OSBPL9: variants seen among roughly 807,000 people sequenced by gnomAD.
OSBPL9 encodes the protein oxysterol binding protein like 9.
In OSBPL9, 40 loss-of-function variants were observed where a neutral mutation model predicts 106.6. The ratio of observed to expected loss-of-function variants is 0.38; its 90% CI spans 0.29 to 0.49. OSBPL9 has a LOEUF of 0.49. Among genes scored for constraint, OSBPL9 ranks in the 20% least tolerant of loss-of-function variants. The probability of loss-of-function intolerance (pLI) is 0.97; values close to 1 mark genes in which losing one functional copy is unlikely to be tolerated. For synonymous variants in OSBPL9, 269 were observed against 295.4 expected (o/e 0.91, Z 0.92); for missense variants, 609 against 887.2 (o/e 0.69, Z 3.98).
the OSBPL9 span, among the ~76,000 whole-genome samples, chr1:51,566,887 G>A: frequency 1.3e-5 from 2 of 152,176 alleles, no homozygotes; most frequent in African/African-American, 4.8e-5. Flanking sequence ...GCCTGCCCCA[G>A]AGGAGGATCT....
At chr1:51,699,673 A>G (rs928668138) in intron 3 of OSBPL9, among the ~76,000 whole-genome samples, 1 of 152,166 alleles carries the variant, frequency 6.6e-6, no homozygotes, top group Admixed American at 6.5e-5. Flanking sequence ...TAGTTCTGGA[A>G]TCAACCATTT....
chr1:51,757,199 A>G (rs915226818), intron 9 of OSBPL9, among the ~76,000 whole-genome samples: 2 of 152,142 alleles, frequency 1.3e-5, no homozygotes, highest in African/African-American at 4.8e-5. Context: ...ATTTGGTTTA[A>G]AAATTTTTTT....
intron 3 of OSBPL9, among the ~76,000 whole-genome samples, chr1:51,671,859 G>GA (rs1483472937): frequency 6.6e-6 from 1 of 152,026 alleles, no homozygotes; most frequent in East Asian, 1.9e-4. Context: ...GAGGTGGGGT[G>GA]AATACATCAT....
chr1:51,716,773 C>CA (rs1187886117), intron 4 of OSBPL9, among the ~76,000 whole-genome samples: 1 of 152,102 alleles, frequency 6.6e-6, no homozygotes, highest in Non-Finnish European at 1.5e-5. Context: ...AGCTGTCTTC[C>CA]AAAGGGGTAT....
chr1:51,703,403 A>G (rs972528880), intron 3 of OSBPL9, among the ~76,000 whole-genome samples: 1 of 152,236 alleles, frequency 6.6e-6, no homozygotes, highest in Admixed American at 6.5e-5. Context: ...TCTTTGAAGC[A>G]GTTGTGAATG....
chr1:51,647,427 TA>T (rs1249160755), intron 1 of OSBPL9, among the ~76,000 whole-genome samples: 3 of 152,210 alleles, frequency 2.0e-5, no homozygotes, highest in African/African-American at 4.8e-5. Flanking sequence ...ACTAGCTTTA[TA>T]GAAAAAATTG....
chr1:51,613,915 A>G (rs537372867), upstream of OSBPL9, among the ~76,000 whole-genome samples: 2 of 151,524 alleles, frequency 1.3e-5, no homozygotes. Context: ...ACTAATTTTT[A>G]AATTTTTTGT....
rs563577222 is a variant in OSBPL9 at position 51,682,199 on chromosome 1, G to A, written c.241+12687G>A. 5.1e-4 allele frequency among the ~76,000 whole-genome samples: 77 copies of A among 150,372 alleles called. 1 individual carries two copies. Among genetic ancestry groups the A allele is most frequent in the Admixed American group, 4.2e-3 (63 of 15,128 alleles). ...AGCCTGGGCGACAGAGCAAGACTCC[G>A]TCTCAAAAAAAAAATTACATTATTT... On this transcript the variant is annotated intron_variant, in intron 3 of 23. Transcript: ENST00000428468.
At chr1:51,651,736 AAAT>A (rs1040435263) in intron 1 of OSBPL9, among the ~76,000 whole-genome samples, 4 of 152,354 alleles carry the variant, frequency 2.6e-5, no homozygotes, top group African/African-American at 7.2e-5. Flanking sequence ...GAAGGAATGA[AAAT>A]AATGATGTAA....
At chr1:51,601,967 G>A (rs956884891) in intron 2 of OSBPL9, among the ~76,000 whole-genome samples, 1 of 148,280 alleles carries the variant, frequency 6.7e-6, no homozygotes, top group Non-Finnish European at 1.5e-5. Context: ...ATGGAATCCC[G>A]TCTGCCTGGC....
chr1:51,764,457 G>A (rs1672149715), intron 11 of OSBPL9, among the ~76,000 whole-genome samples: 1 of 151,918 alleles, frequency 6.6e-6, no homozygotes, highest in South Asian at 2.1e-4. Flanking sequence ...TAAACTTTTT[G>A]TGTTATCTTT....
intron 4 of OSBPL9, among the ~76,000 whole-genome samples, chr1:51,725,612 T>G (rs1473612232): frequency 6.6e-6 from 1 of 152,170 alleles, no homozygotes; most frequent in Non-Finnish European, 1.5e-5. Context: ...TAGTGAACTT[T>G]TGTCAACTTC....
At position 51,582,213 on chromosome 1, in the gene OSBPL9, T is replaced by G. The variant is rs1032886695; in HGVS notation, c.-423+4957T>G. On this transcript the variant is annotated intron_variant, in intron 1 of 25. Coordinates refer to the OSBPL9 transcript ENST00000371714. ...CTGGAATTATAATTGTTAACTGATGTATTAATTCCAAAGTCTCACTGCATC... is the reference window on the plus strand; with the variant it reads ...CTGGAATTATAATTGTTAACTGATGGATTAATTCCAAAGTCTCACTGCATC... Among the ~76,000 whole-genome samples, 4 of 152,228 alleles carry G rather than the reference T, an allele frequency of 2.6e-5. No individual in the cohort carries two copies. The East Asian group carries it at 7.7e-4, about 29-fold the overall frequency.
chr1:51,624,209 GC>G (rs1303283428), intron 1 of OSBPL9, among the ~76,000 whole-genome samples: 9 of 152,048 alleles, frequency 5.9e-5, no homozygotes, highest in African/African-American at 1.9e-4. Context: ...GAGCCACCTT[GC>G]CTGGCTATAT....
At chr1:51,527,959 A>C in the OSBPL9 span, among the ~76,000 whole-genome samples, 3 of 1,046 alleles carry the variant, frequency 2.9e-3, no homozygotes, top group Admixed American at 0.016. Flanking sequence ...CTAAAAATAC[A>C]AAAAAAAAAA....
intron 2 of OSBPL9, among the ~76,000 whole-genome samples, chr1:51,601,024 T>C (rs1444963880): frequency 6.6e-6 from 1 of 152,204 alleles, no homozygotes; most frequent in African/African-American, 2.4e-5. Context: ...TGCTTTTTAA[T>C]TTTTTATTTG....
At chr1:51,588,415 T>C (rs149130640) in intron 1 of OSBPL9, among the ~76,000 whole-genome samples, 27 of 152,136 alleles carry the variant, frequency 1.8e-4, no homozygotes, top group Non-Finnish European at 3.7e-4. Context: ...TCTCAGCACA[T>C]TGGGAAGCCA....
At chr1:51,678,075 C>T (rs182115424) in intron 3 of OSBPL9, among the ~76,000 whole-genome samples, 1 of 152,012 alleles carries the variant, frequency 6.6e-6, no homozygotes, top group East Asian at 2.0e-4. Context: ...CCCAGCTACT[C>T]TGAAAGCTGA....
chr1:51,734,829 T>C (rs976271182), intron 4 of OSBPL9, among the ~76,000 whole-genome samples: 1 of 151,788 alleles, frequency 6.6e-6, no homozygotes, highest in African/African-American at 2.4e-5. Context: ...TGGTCGCCTT[T>C]CCCCCCCAAA....
Sources: allele counts gnomAD v4.1 joint callset (sites outside exome capture counted in the v4.1 genomes callset), GRCh38; gene constraint gnomAD v4.1.1; transcripts MANE v1.5; gene names NCBI Gene and HGNC (gene_info 2026-07-23, HGNC 2026-07-21).